Variants in TSPEAR observed in about 807,000 individuals in gnomAD.
The protein encoded by TSPEAR is thrombospondin-type laminin G domain and EAR repeat-containing protein.
In TSPEAR, 69 loss-of-function variants were observed where a neutral mutation model predicts 71.6. That is an observed-to-expected ratio of 0.96 (90% CI 0.79 to 1.18). The LOEUF is 1.18. TSPEAR is among the 50% of genes most tolerant of loss of function. The pLI, the probability that TSPEAR is intolerant of heterozygous loss-of-function variation, is 0.00. For missense variants in TSPEAR, 971 were observed against 894.9 expected, an observed-to-expected ratio of 1.09 and a Z score of -1.09; for synonymous variants, 402 against 387.2, an observed-to-expected ratio of 1.04 and a Z score of -0.45.
chr21:44,697,492 C>T (rs781926959), intron 1 of TSPEAR: 2 of 1,614,050 alleles, frequency 1.2e-6, no homozygotes, highest in Non-Finnish European at 8.5e-7. Flanking sequence ...GCTGCACCTC[C>T]TCCCCCTGCC....
At chr21:44,578,988 G>A (rs1308437380) in intron 1 of TSPEAR, among the ~76,000 whole-genome samples, 7 of 152,176 alleles carry the variant, frequency 4.6e-5, no homozygotes, top group Admixed American at 6.5e-5. Context: ...TGATGCTTTC[G>A]TCCTGATCGA....
chr21:44,605,272 G>A (rs185951340), intron 1 of TSPEAR, among the ~76,000 whole-genome samples: 13 of 152,234 alleles, frequency 8.5e-5, no homozygotes, highest in Admixed American at 3.9e-4. Flanking sequence ...TCTGTACACT[G>A]AAAACTACAA....
At chr21:44,561,957 C>T (rs2053640499) in intron 2 of TSPEAR, among the ~76,000 whole-genome samples, 1 of 152,134 alleles carries the variant, frequency 6.6e-6, no homozygotes, top group African/African-American at 2.4e-5. Context: ...TCCTATTCAA[C>T]ATAGTATTAG....
chr21:44,541,302 C>A (rs1401706798), intron 2 of TSPEAR, among the ~76,000 whole-genome samples: 2 of 152,212 alleles, frequency 1.3e-5, no homozygotes, highest in Non-Finnish European at 2.9e-5. Flanking sequence ...TAATTTTGAG[C>A]TCTGAACGCG....
intron 2 of TSPEAR, chr21:44,558,747 A>G (rs1402449020): frequency 1.3e-6 from 2 of 1,572,992 alleles, no homozygotes; most frequent in Admixed American, 1.7e-5. Flanking sequence ...GCTGGGGGAG[A>G]CGTGAGTGAG....
chr21:44,676,558 C>T (rs1157094125), intron 1 of TSPEAR: 31 of 728,780 alleles, frequency 4.3e-5, no homozygotes, highest in Non-Finnish European at 7.1e-5. Context: ...TTGCTCTTGA[C>T]TTAGATGATG....
At position 44,533,882 on chromosome 21, in the gene TSPEAR, G is replaced by C. The variant is rs375345671; in HGVS notation, c.345C>G (p.Asp115Glu). 4 of 1,612,120 alleles carry C rather than the reference G, an allele frequency of 2.5e-6. No individual in the cohort carries two copies. Among genetic ancestry groups the C allele is most frequent in the Non-Finnish European group, 3.4e-6 (4 of 1,179,814 alleles). The change falls in exon 3 of 12, where the codon GAC becomes GAG. Residue 115 changes from aspartate (D) to glutamate (E), a missense_variant. Transcript: ENST00000323084. ...YLLTVVAEES[D>E]LLLLGLRLSP... ...ACAACCGCAGGCCGAGCAGCAGCAG[G>C]TCGCTCTCCTCTGCCACCACCGTCA...
Position 44,658,183 on chromosome 21 carries a change from C to T in TSPEAR, c.82+53250G>A, listed in dbSNP as rs782217345. On this transcript the variant is annotated intron_variant, in intron 1 of 11. Coordinates refer to ENST00000323084, the MANE Select transcript of TSPEAR (RefSeq NM_144991.3). ...GCAGGCCCATCATATATGTGACTCC[C>T]TCTTGCCAATCTTCGGGGTGCTGCC... is the stretch of plus-strand genomic sequence containing the variant. 3.7e-6 allele frequency: 6 copies of T among 1,614,090 alleles called. No homozygotes were observed. The Admixed American group carries it at 6.7e-5, about 18-fold the overall frequency.
intron 1 of TSPEAR, chr21:44,592,521 CTG>C (rs1980052671): frequency 6.4e-7 from 1 of 1,571,412 alleles, no homozygotes; most frequent in Admixed American, 1.7e-5. Flanking sequence ...GGGAGTGAGC[CTG>C]TGAGGTGCTG....
In TSPEAR at chr21:44,593,143, T is replaced by C. The variant is rs1342678608; in HGVS notation, c.83-25138A>G. Reference sequence around the variant, plus strand: ...GTGTTCCAGGGCAAGGACGGTGGGCTTGGCCCCTCCCTGCTTGGACAGCAT... The same window carrying C: ...GTGTTCCAGGGCAAGGACGGTGGGCCTGGCCCCTCCCTGCTTGGACAGCAT... On this transcript the variant is annotated intron_variant, in intron 1 of 11. Transcript: ENST00000323084. The surrounding 1 kb of genome is among the most constrained non-coding windows in gnomAD (Gnocchi z 5.9). Among the ~76,000 whole-genome samples, 1 of 152,234 alleles carries C rather than the reference T, an allele frequency of 6.6e-6. No homozygotes were observed. Among genetic ancestry groups the C allele is most frequent in the South Asian group, 2.1e-4 (1 of 4,834 alleles).
chr21:44,697,439 T>C, intron 1 of TSPEAR: 6 of 1,614,054 alleles, frequency 3.7e-6, no homozygotes, highest in Non-Finnish European at 4.2e-6. Flanking sequence ...CACCAGCTCC[T>C]GCACGCCCTC....
intron 11 of TSPEAR, among the ~76,000 whole-genome samples, chr21:44,504,178 C>A (rs2052130158): frequency 7.4e-6 from 1 of 135,930 alleles, no homozygotes; most frequent in African/African-American, 2.8e-5. Context: ...GGAGGCCGGC[C>A]TTGGTGAGCC....
chr21:44,558,105 G>A, intron 2 of TSPEAR: 1 of 1,611,404 alleles, frequency 6.2e-7, no homozygotes, highest in Non-Finnish European at 8.5e-7. Flanking sequence ...AGAGAGGCGG[G>A]AGCACGTGGG....
intron 1 of TSPEAR, among the ~76,000 whole-genome samples, chr21:44,651,979 C>CTTTTT (rs60867977): frequency 6.6e-4 from 82 of 124,466 alleles, no homozygotes; most frequent in Non-Finnish European, 1.1e-3. Context: ...ATAAAACTTT[C>CTTTTT]TTTTTTTTTT....
chr21:44,549,161 G>C (rs1186624559), intron 2 of TSPEAR, among the ~76,000 whole-genome samples: 1 of 152,214 alleles, frequency 6.6e-6, no homozygotes, highest in Admixed American at 6.5e-5. Context: ...TAAACATTTA[G>C]GGGAAGGGGT....
intron 2 of TSPEAR, among the ~76,000 whole-genome samples, chr21:44,555,681 T>C (rs2053516668): frequency 6.7e-6 from 1 of 148,970 alleles, no homozygotes; most frequent in African/African-American, 2.5e-5. Context: ...CCCACCCCCC[T>C]TCACAAGCAG....
At chr21:44,627,580 C>G in intron 1 of TSPEAR, 4 of 1,613,286 alleles carry the variant, frequency 2.5e-6, no homozygotes, top group Non-Finnish European at 2.5e-6. Context: ...TTCCTCCTGC[C>G]AGCCGGCCTG....
chr21:44,676,963 G>A, intron 1 of TSPEAR: 2 of 926,572 alleles, frequency 2.2e-6, no homozygotes, highest in Non-Finnish European at 3.6e-6. Flanking sequence ...GAGCTTGTCA[G>A]CTGGGTCCGA....
At chr21:44,662,229 A>G (rs898579122) in intron 1 of TSPEAR, among the ~76,000 whole-genome samples, 3 of 152,230 alleles carry the variant, frequency 2.0e-5, no homozygotes, top group Admixed American at 2.0e-4. Flanking sequence ...GGACCCAACT[A>G]TATTCTATCT....
Sources: allele counts gnomAD v4.1 joint callset (sites outside exome capture counted in the v4.1 genomes callset), GRCh38; gene constraint gnomAD v4.1.1; non-coding constraint Gnocchi (gnomAD v3.1); transcripts MANE v1.5; gene names NCBI Gene and HGNC (gene_info 2026-07-23, HGNC 2026-07-21).